Variants in RBKS observed in about 807,000 individuals in gnomAD.
The protein encoded by RBKS is ribokinase.
RBKS carries 33 observed loss-of-function variants against 33.9 expected under a neutral mutation model. The ratio of observed to expected loss-of-function variants is 0.97; its 90% CI spans 0.74 to 1.30. The LOEUF (loss-of-function observed/expected upper bound fraction) is 1.30. RBKS is among the 50% of genes most tolerant of loss of function. RBKS has a pLI of 0.00. For missense variants in RBKS, 361 were observed against 392.6 expected, an observed-to-expected ratio of 0.92 and a Z score of 0.68; for synonymous variants, 125 against 143.0, an observed-to-expected ratio of 0.87 and a Z score of 0.90.
intron 7 of RBKS, among the ~76,000 whole-genome samples, chr2:27,823,162 A>G (rs1678245003): frequency 6.6e-6 from 1 of 152,160 alleles, no homozygotes; most frequent in African/African-American, 2.4e-5. Flanking sequence ...TTGGAGGCTG[A>G]GATTCAGATA....
In RBKS at chr2:27,790,250, A is replaced by G. The variant is rs1247051931; in HGVS notation, c.796-8462T>C. ...CTTTTAAACAAATGGTTCTGGGACA[A>G]ATGGATATCCATATGTAAGAACACA... On this transcript the variant is annotated intron_variant, in intron 7 of 7. Coordinates refer to ENST00000302188, the MANE Select transcript of RBKS (RefSeq NM_022128.3). Among the ~76,000 whole-genome samples the G allele has an allele frequency of 2.0e-5, 3 of 152,096 alleles. No homozygotes were observed. The East Asian group carries it at 5.8e-4, about 29-fold the overall frequency.
intron 4 of RBKS, among the ~76,000 whole-genome samples, chr2:27,843,806 T>A (rs900585412): frequency 1.1e-4 from 17 of 152,164 alleles, no homozygotes; most frequent in African/African-American, 4.1e-4. Flanking sequence ...AACTAAGGAA[T>A]CTGATATATT....
At chr2:27,867,171 T>A (rs1449628498) in intron 1 of RBKS, among the ~76,000 whole-genome samples, 3 of 151,838 alleles carry the variant, frequency 2.0e-5, no homozygotes, top group African/African-American at 7.3e-5. Flanking sequence ...TTTGACTGAG[T>A]GGTTTTCTCC....
intron 1 of RBKS, chr2:27,870,898 A>G (rs1664196310): frequency 2.2e-6 from 1 of 457,502 alleles, no homozygotes; most frequent in South Asian, 1.5e-5. Flanking sequence ...CTCCTGAAAA[A>G]TACATTACAC....
At chr2:27,835,843 C>T (rs943579685) in intron 5 of RBKS, among the ~76,000 whole-genome samples, 1 of 151,988 alleles carries the variant, frequency 6.6e-6, no homozygotes, top group Non-Finnish European at 1.5e-5. Context: ...ACTAATGAGC[C>T]ATTAGTTATA....
intron 7 of RBKS, chr2:27,809,548 T>C (rs1677953864): frequency 5.9e-6 from 1 of 169,588 alleles, no homozygotes; most frequent in East Asian, 1.6e-4. Context: ...AAATGTCTGT[T>C]AGTGATTCAC....
At chr2:27,849,559 C>CAAAAAAAAAAAAAAAAAA (rs70953894) in intron 2 of RBKS, among the ~76,000 whole-genome samples, 9 of 28,588 alleles carry the variant, frequency 3.1e-4, no homozygotes, top group Non-Finnish European at 5.8e-4. Flanking sequence ...GACTCTGTCT[C>CAAAAAAAAAAAAAAAAAA]AAAAAAAAAA....
chr2:27,834,270 T>C (rs772782338), intron 5 of RBKS, among the ~76,000 whole-genome samples: 5 of 152,224 alleles, frequency 3.3e-5, no homozygotes, highest in Non-Finnish European at 5.9e-5. Flanking sequence ...CAGTGGGTCT[T>C]GTCCAGTATA....
intron 6 of RBKS, among the ~76,000 whole-genome samples, chr2:27,830,995 A>G (rs1297049538): frequency 6.6e-6 from 1 of 152,190 alleles, no homozygotes; most frequent in Non-Finnish European, 1.5e-5. Context: ...TCTGGCCAAC[A>G]ACCTCATTAT....
intron 4 of RBKS, among the ~76,000 whole-genome samples, chr2:27,844,263 G>GA (rs1348408045): frequency 0.36 from 30,249 of 83,954 alleles, 4,384 homozygotes; most frequent in East Asian, 0.68. Flanking sequence ...CTCTGTCTCA[G>GA]AAAAAAAAAA....
intron 1 of RBKS, among the ~76,000 whole-genome samples, chr2:27,881,428 T>G (rs1392601760): frequency 6.6e-6 from 1 of 151,450 alleles, no homozygotes; most frequent in African/African-American, 2.4e-5. Flanking sequence ...GTAGTCCCAG[T>G]TACTCGGGAG....
At chr2:27,888,329 T>C (rs569094431) in intron 1 of RBKS, among the ~76,000 whole-genome samples, 171 of 152,286 alleles carry the variant, frequency 1.1e-3, no homozygotes, top group Non-Finnish European at 2.0e-3. Flanking sequence ...GGTTTCACCA[T>C]GTTCGCTGGG....
chr2:27,827,571 G>C lies in RBKS; in HGVS notation c.791C>G (p.Thr264Ser). The C allele has an allele frequency of 6.4e-7, 1 of 1,561,262 alleles. No homozygotes were observed. Among genetic ancestry groups the C allele is most frequent in the Non-Finnish European group, 8.6e-7 (1 of 1,156,844 alleles). The change falls in exon 7 of 8, where the codon ACC becomes AGC. Residue 264 changes from threonine (T) to serine (S), a missense_variant. Thr to Ser is a moderately conservative substitution (Grantham distance 58, BLOSUM62 1). Coordinates refer to ENST00000302188, the MANE Select transcript of RBKS (RefSeq NM_022128.3). ...TTCTTAAATTTTAAAACTTACCGTG[G>C]TATCCACAGCCTTGACTTTCTCTGT... The part of the protein sequence containing the change: ...IPTEKVKAVD[T>S]TGAGDSFVGA...
chr2:27,788,811 G>A (rs1412574395), intron 7 of RBKS, among the ~76,000 whole-genome samples: 3 of 152,178 alleles, frequency 2.0e-5, no homozygotes, highest in African/African-American at 4.8e-5. Flanking sequence ...CTGAATATGT[G>A]TAAGATCTAT....
At chr2:27,809,996 T>C (rs1353120415) in intron 7 of RBKS, 3 of 1,304,326 alleles carry the variant, frequency 2.3e-6, no homozygotes, top group Non-Finnish European at 3.0e-6. Flanking sequence ...ATAATGTTTC[T>C]GCTTCTTCAC....
At chr2:27,860,511 A>G (rs1332955610) in intron 1 of RBKS, among the ~76,000 whole-genome samples, 1 of 152,228 alleles carries the variant, frequency 6.6e-6, no homozygotes, top group African/African-American at 2.4e-5. Flanking sequence ...GATCTGGGTT[A>G]CAATTCACTG....
chr2:27,787,238 C>T (rs1263009263), intron 7 of RBKS, among the ~76,000 whole-genome samples: 1 of 152,138 alleles, frequency 6.6e-6, no homozygotes, highest in Non-Finnish European at 1.5e-5. Context: ...GCAAGACCAG[C>T]CTGGGCAACG....
At chr2:27,801,988 ATATATTTTTTTTTTT>A (rs1677803859) in intron 7 of RBKS, among the ~76,000 whole-genome samples, 9 of 86,870 alleles carry the variant, frequency 1.0e-4, no homozygotes, top group African/African-American at 5.1e-4. Flanking sequence ...ATATATATAT[ATATATTTTTTTTTTT>A]TTTTTTTTTT....
At chr2:27,826,013 A>C (rs1050901720) in intron 7 of RBKS, among the ~76,000 whole-genome samples, 1 of 152,224 alleles carries the variant, frequency 6.6e-6, no homozygotes, top group Non-Finnish European at 1.5e-5. Context: ...GGATCCCCTC[A>C]AATTCAGGTT....
Sources: allele counts gnomAD v4.1 joint callset (sites outside exome capture counted in the v4.1 genomes callset), GRCh38; gene constraint gnomAD v4.1.1; transcripts MANE v1.5; gene names NCBI Gene and HGNC (gene_info 2026-07-23, HGNC 2026-07-21).